The following AKT3 variants were observed in gnomAD, a reference collection of about 807,000 sequenced individuals.
AKT3 encodes RAC-gamma serine/threonine-protein kinase.
A neutral mutation model predicts 65.3 loss-of-function variants in AKT3; 15 were observed. That is an observed-to-expected ratio of 0.23 (90% confidence interval 0.15 to 0.35). The LOEUF (loss-of-function observed/expected upper bound fraction) is 0.35. Ranked by LOEUF, AKT3 falls within the 10% of genes least tolerant of loss-of-function variation. AKT3 has a pLI of 1.00. For missense variants in AKT3, 243 were observed against 576.5 expected (o/e 0.42, Z 5.92); for synonymous variants, 206 against 183.8 (o/e 1.12, Z -0.98).
intron 2 of AKT3, among the ~76,000 whole-genome samples, chr1:243,824,523 T>C (rs1170001496): frequency 6.6e-6 from 1 of 152,072 alleles, no homozygotes; most frequent in Non-Finnish European, 1.5e-5. Context: ...AAAGGGCTAA[T>C]ATTCAGAATC....
intron 2 of AKT3, among the ~76,000 whole-genome samples, chr1:243,743,189 G>A (rs1292292690): frequency 2.6e-5 from 4 of 152,210 alleles, no homozygotes; most frequent in Non-Finnish European, 5.9e-5. Context: ...CAAACTCTGT[G>A]TTCAATGATA....
chr1:243,526,997 A>G (rs1444059243), intron 12 of AKT3, among the ~76,000 whole-genome samples: 1 of 152,124 alleles, frequency 6.6e-6, no homozygotes, highest in East Asian at 1.9e-4. Context: ...TAACAAAAGA[A>G]TAACACTGGA....
At chr1:243,664,185 C>CTTTTT (rs34578718) in intron 4 of AKT3, among the ~76,000 whole-genome samples, 4 of 60,010 alleles carry the variant, frequency 6.7e-5, no homozygotes, top group East Asian at 6.3e-4. Context: ...ATAAAAATGT[C>CTTTTT]TTTTTTTTTT....
chr1:243,828,143 G>A (rs569048757), intron 2 of AKT3, among the ~76,000 whole-genome samples: 14 of 152,174 alleles, frequency 9.2e-5, no homozygotes, highest in Admixed American at 6.5e-4. Context: ...AACAATGGGT[G>A]AGTTAAATAC....
chr1:243,493,427 T>C (rs1227737229), intron 13 of AKT3, among the ~76,000 whole-genome samples: 1 of 152,108 alleles, frequency 6.6e-6, no homozygotes, highest in Non-Finnish European at 1.5e-5. Flanking sequence ...ACAGAAATTA[T>C]CTGTCCACTT....
intron 6 of AKT3, among the ~76,000 whole-genome samples, chr1:243,625,554 C>T (rs986182449): frequency 1.4e-4 from 21 of 151,988 alleles, no homozygotes; most frequent in African/African-American, 4.8e-4. Context: ...CCAGGATAAA[C>T]CCAATGGAAA....
intron 6 of AKT3, among the ~76,000 whole-genome samples, chr1:243,618,778 T>C: frequency 6.6e-6 from 1 of 152,026 alleles, no homozygotes; most frequent in East Asian, 1.9e-4. Flanking sequence ...CAATTTATCA[T>C]TCACCCTCTA....
intron 3 of AKT3, among the ~76,000 whole-genome samples, chr1:243,672,522 G>A (rs1683222931): frequency 6.6e-6 from 1 of 151,978 alleles, no homozygotes; most frequent in African/African-American, 2.4e-5. Context: ...TAATACAAGG[G>A]GTTCAATAAA....
At chr1:243,545,715 T>C (rs1672619844) in intron 11 of AKT3, 118 bp from the exon 12 acceptor site, 10 of 680,720 alleles carry the variant, frequency 1.5e-5, no homozygotes, top group Admixed American at 1.1e-4. Context: ...TTGGGATAAA[T>C]AGCTCTAAAA....
At position 243,499,891 on chromosome 1, in the gene AKT3, C is replaced by G; in HGVS notation, c.*5358G>C. 9.3e-7 allele frequency: 1 copy of G among 1,077,872 alleles called. No homozygotes were observed. The highest frequency in any genetic ancestry group is 1.4e-6 in the Non-Finnish European group (1 of 713,208). The allele number at this position is 1,077,872 out of a possible 1,614,324, so 66.8% of individuals were successfully genotyped here. A position where few individuals can be genotyped will look rare whatever the true frequency, so the allele number is the denominator to read the frequency against. ...CACCACGACCTTCCCAGGGTGACACCGCCTCAGCCTGCAGTGGGGCTGGTC... is the reference window on the plus strand; with the variant it reads ...CACCACGACCTTCCCAGGGTGACACGGCCTCAGCCTGCAGTGGGGCTGGTC... On this transcript the variant is annotated 3_prime_UTR_variant, in exon 14 of 14. Transcript: ENST00000673466.
chr1:243,845,588 C>CAAAAAAAAAAAAAAAAAAA (rs10648820), intron 1 of AKT3, among the ~76,000 whole-genome samples: 6 of 79,356 alleles, frequency 7.6e-5, no homozygotes, highest in East Asian at 3.7e-4. Context: ...GAACCTGTCT[C>CAAAAAAAAAAAAAAAAAAA]AAAAAAAAAA....
At chr1:243,830,513 G>A (rs932286675) in intron 2 of AKT3, among the ~76,000 whole-genome samples, 1 of 152,102 alleles carries the variant, frequency 6.6e-6, no homozygotes, top group African/African-American at 2.4e-5. Flanking sequence ...AAAATCCGAA[G>A]GCCTATAAAC....
chr1:243,600,926 G>C (rs1314444654), intron 8 of AKT3, among the ~76,000 whole-genome samples: 1 of 152,146 alleles, frequency 6.6e-6, no homozygotes. Context: ...TTTTCAGGGT[G>C]AGAGTGAGGG....
chr1:243,768,899 C>T (rs1471890527), intron 2 of AKT3, among the ~76,000 whole-genome samples: 1 of 151,600 alleles, frequency 6.6e-6, no homozygotes, highest in African/African-American at 2.4e-5. Flanking sequence ...AGTATACAAG[C>T]CATAGTTTTT....
chr1:243,770,517 A>G (rs1258068240), intron 2 of AKT3, among the ~76,000 whole-genome samples: 1 of 152,032 alleles, frequency 6.6e-6, no homozygotes, highest in Non-Finnish European at 1.5e-5. Context: ...TGTCTGGGAG[A>G]AGCTGCATGT....
At position 243,695,578 on chromosome 1, in the gene AKT3, A is replaced by T. The variant is rs201054833; in HGVS notation, c.172+13T>A. 3.2e-6 allele frequency: 5 copies of T among 1,575,468 alleles called. No homozygotes were observed. The highest frequency in any genetic ancestry group is 3.4e-4 in the Middle Eastern group (2 of 5,888). On this transcript the variant is annotated intron_variant, in intron 3 of 13. Coordinates refer to ENST00000673466, the MANE Select transcript of AKT3 (RefSeq NM_005465.7). ...ATAAATACAAGATGAATCAACAATTATAATTAACTTACTTGCCACTGAAAA... is the reference window on the plus strand; with the variant it reads ...ATAAATACAAGATGAATCAACAATTTTAATTAACTTACTTGCCACTGAAAA...
At chr1:243,592,789 T>C (rs1676326120) in intron 8 of AKT3, among the ~76,000 whole-genome samples, 1 of 152,150 alleles carries the variant, frequency 6.6e-6, no homozygotes, top group East Asian at 1.9e-4. Flanking sequence ...AGTAACTGTG[T>C]CAGGGAACAG....
intron 10 of AKT3, among the ~76,000 whole-genome samples, 200 bp downstream of exon 10, chr1:243,563,520 A>G (rs1475688246): frequency 6.6e-6 from 1 of 152,220 alleles, no homozygotes; most frequent in Non-Finnish European, 1.5e-5. Flanking sequence ...CTTTGTGCTT[A>G]TAGTTTATAA....
At chr1:243,809,944 A>G (rs1167809867) in intron 2 of AKT3, among the ~76,000 whole-genome samples, 1 of 152,196 alleles carries the variant, frequency 6.6e-6, no homozygotes, top group Non-Finnish European at 1.5e-5. Flanking sequence ...CTGGGTACAT[A>G]ACGAAATGAA....
Sources: allele counts gnomAD v4.1 joint callset (sites outside exome capture counted in the v4.1 genomes callset), GRCh38; gene constraint gnomAD v4.1.1; transcripts MANE v1.5; gene names NCBI Gene and HGNC (gene_info 2026-07-23, HGNC 2026-07-21).